Variants in ADGRL3 observed in about 807,000 individuals in gnomAD.
ADGRL3 encodes adhesion G protein-coupled receptor L3.
Under a neutral mutation model 153.5 loss-of-function variants are expected in ADGRL3, and 62 were observed. The observed-to-expected ratio is 0.40, with a 90% CI of 0.33 to 0.50. ADGRL3 has a LOEUF of 0.50. ADGRL3 is among the 20% of genes least tolerant of loss of function. The probability of loss-of-function intolerance (pLI) is 0.47; values close to 1 mark genes in which losing one functional copy is unlikely to be tolerated. For missense variants in ADGRL3, 1,641 were observed against 1,859.4 expected (o/e 0.88, Z 2.16); for synonymous variants, 710 against 672.5 (o/e 1.06, Z -0.86).
intron 2 of ADGRL3, chr4:61,427,242 C>T (rs2097294108): frequency 6.6e-6 from 1 of 152,654 alleles, no homozygotes; most frequent in African/African-American, 2.4e-5. Flanking sequence ...CCTGCACCAG[C>T]TCTGCATATG....
intron 19 of ADGRL3, among the ~76,000 whole-genome samples, chr4:61,985,231 G>A (rs1041513411): frequency 6.6e-6 from 1 of 151,782 alleles, no homozygotes; most frequent in Non-Finnish European, 1.5e-5. Flanking sequence ...GATAAACCAA[G>A]TCAGGTTATT....
chr4:61,510,071 C>T (rs764783699), intron 3 of ADGRL3, among the ~76,000 whole-genome samples: 18 of 152,156 alleles, frequency 1.2e-4, no homozygotes, highest in Admixed American at 3.3e-4. Context: ...TCTTCTTTTG[C>T]GAAGTGTTTG....
At chr4:61,422,944 T>A (rs2097224649) in intron 2 of ADGRL3, among the ~76,000 whole-genome samples, 1 of 152,064 alleles carries the variant, frequency 6.6e-6, no homozygotes, top group African/African-American at 2.4e-5. Context: ...AGTAACAATT[T>A]TGGTAAATCC....
At chr4:61,446,630 A>G (rs1355730430) in intron 2 of ADGRL3, among the ~76,000 whole-genome samples, 1 of 152,198 alleles carries the variant, frequency 6.6e-6, no homozygotes, top group African/African-American at 2.4e-5. Context: ...GAATAAATAA[A>G]GATAATATGT....
At position 62,074,235 on chromosome 4, in the gene ADGRL3, A is replaced by G. The variant is rs1375097815; in HGVS notation, c.*3327A>G. The G allele has an allele frequency of 3.3e-5, 5 of 152,146 alleles. No homozygotes were observed. The highest frequency in any genetic ancestry group is 7.4e-5 in the Non-Finnish European group (5 of 68,018). 9.4% of individuals were successfully genotyped at this position (152,146 alleles called of 1,614,324 possible). ...CGTCAAACAGATGTAGTATACCGCT[A>G]TAATACAGCTTATTTAGCCAGCTAG... is the stretch of plus-strand genomic sequence containing the variant. On this transcript the variant is annotated 3_prime_UTR_variant, in exon 27 of 27. Coordinates refer to ENST00000683033, the MANE Select transcript of ADGRL3 (RefSeq NM_001387552.1).
chr4:61,499,083 G>GCC (rs1174961309), intron 3 of ADGRL3, among the ~76,000 whole-genome samples: 2 of 152,174 alleles, frequency 1.3e-5, no homozygotes, highest in Non-Finnish European at 2.9e-5. Flanking sequence ...ATTGATTACA[G>GCC]AAACCCATTG....
intron 2 of ADGRL3, among the ~76,000 whole-genome samples, chr4:61,386,365 G>T (rs1038909073): frequency 2.6e-5 from 4 of 152,058 alleles, no homozygotes; most frequent in African/African-American, 9.7e-5. Flanking sequence ...ATATGGATTT[G>T]ACTCTTAAAT....
rs981939816 is a variant in ADGRL3 at position 61,888,558 on chromosome 4, T to C, written c.1481-4098T>C. On this transcript the variant is annotated intron_variant, in intron 9 of 26. Coordinates refer to ENST00000683033, the MANE Select transcript of ADGRL3 (RefSeq NM_001387552.1). ...GTACCTATTCTGCCAAAAGTTGGCA[T>C]TGAACAGAGCCTGCGGTAGTCTTAC... Among the ~76,000 whole-genome samples, 33 of 152,320 alleles carry C rather than the reference T, an allele frequency of 2.2e-4. No homozygotes were observed. In the East Asian group the frequency reaches 6.0e-3, roughly 28 times the overall value.
intron 1 of ADGRL3, among the ~76,000 whole-genome samples, chr4:61,369,767 T>G (rs537819143): frequency 6.6e-6 from 1 of 152,330 alleles, no homozygotes; most frequent in South Asian, 2.1e-4. Context: ...GAGGATTCCC[T>G]CTTTTTCTAT....
rs1745962850 is a variant in ADGRL3, at chr4:62,072,383, A to G, written c.*1475A>G. 2 of 152,610 alleles carry G rather than the reference A, an allele frequency of 1.3e-5. No individual in the cohort carries two copies. The highest frequency in any genetic ancestry group is 4.1e-4 in the South Asian group (2 of 4,828). 9.5% of individuals were successfully genotyped at this position (152,610 alleles called of 1,614,324 possible). On this transcript the variant is annotated 3_prime_UTR_variant, in exon 27 of 27. Transcript: ENST00000683033. Reference sequence around the variant, plus strand: ...AAAGTTGGATGACCTCATTACTAATATTTGTTGTAAAAGTGAAACTTGTTT... The same window carrying G: ...AAAGTTGGATGACCTCATTACTAATGTTTGTTGTAAAAGTGAAACTTGTTT...
intron 1 of ADGRL3, among the ~76,000 whole-genome samples, chr4:61,334,760 T>G (rs1458376867): frequency 5.3e-5 from 8 of 152,102 alleles, no homozygotes; most frequent in Non-Finnish European, 1.2e-4. Context: ...TAGGCAAGAA[T>G]ATAAAGTACG....
At chr4:61,729,169 T>C (rs1248381591) in intron 6 of ADGRL3, among the ~76,000 whole-genome samples, 1 of 151,964 alleles carries the variant, frequency 6.6e-6, no homozygotes, top group African/African-American at 2.4e-5. Flanking sequence ...TATATCCATG[T>C]AACAAACCTG....
At chr4:61,320,527 T>C (rs1156483176) in intron 1 of ADGRL3, among the ~76,000 whole-genome samples, 5 of 152,194 alleles carry the variant, frequency 3.3e-5, no homozygotes. Flanking sequence ...ATTTGAAGGC[T>C]GGTAAACTCA....
intron 23 of ADGRL3, 94 bp from the exon 24 acceptor site, chr4:62,037,637 C>T: frequency 7.7e-7 from 1 of 1,294,506 alleles, no homozygotes; most frequent in Non-Finnish European, 1.1e-6. Context: ...GAAATAATTA[C>T]ATTATCTAAA....
At chr4:62,048,188 T>G (rs1412656637) in intron 25 of ADGRL3, among the ~76,000 whole-genome samples, 1 of 152,162 alleles carries the variant, frequency 6.6e-6, no homozygotes, top group Non-Finnish European at 1.5e-5. Context: ...CACCCATATC[T>G]CCTACCAATA....
chr4:61,567,742 T>G (rs1157460293), intron 4 of ADGRL3, among the ~76,000 whole-genome samples: 2 of 152,130 alleles, frequency 1.3e-5, no homozygotes, highest in African/African-American at 4.8e-5. Flanking sequence ...CTACTAAAAG[T>G]TTTAGCAAGT....
intron 21 of ADGRL3, among the ~76,000 whole-genome samples, chr4:61,998,679 G>A (rs971218370): frequency 2.0e-5 from 3 of 151,490 alleles, no homozygotes; most frequent in Non-Finnish European, 4.4e-5. Context: ...CGATTCAAGC[G>A]ATTTTCCTGC....
chr4:61,381,748 G>A (rs768074109), intron 1 of ADGRL3, among the ~76,000 whole-genome samples: 7 of 151,954 alleles, frequency 4.6e-5, no homozygotes, highest in African/African-American at 7.2e-5. Flanking sequence ...CAAAAACCAG[G>A]GAAAAAAGTG....
intron 11 of ADGRL3, among the ~76,000 whole-genome samples, chr4:61,900,981 C>T (rs1051163561): frequency 6.6e-6 from 1 of 152,120 alleles, no homozygotes; most frequent in Non-Finnish European, 1.5e-5. Context: ...CTCCAGCTTG[C>T]ACTCAGTTTT....
Sources: gnomAD v4.1 joint callset for allele counts (sites outside exome capture counted in the v4.1 genomes callset) on GRCh38, gnomAD v4.1.1 for gene constraint, MANE v1.5 for transcripts, NCBI Gene and HGNC (gene_info 2026-07-23, HGNC 2026-07-21) for gene names.